CHSY3: variants seen among roughly 807,000 people sequenced by gnomAD.
The protein encoded by CHSY3 is N-acetylgalactosaminyl-proteoglycan 3-beta-glucuronosyltransferase 3.
Under a neutral mutation model 67.2 loss-of-function variants are expected in CHSY3, and 35 were observed. The ratio of observed to expected loss-of-function variants is 0.52; its 90% CI spans 0.40 to 0.69. CHSY3 has a LOEUF of 0.69. Ranked by LOEUF, CHSY3 falls within the 30% of genes least tolerant of loss-of-function variation. The probability of loss-of-function intolerance (pLI) is 0.00; values close to 1 mark genes in which losing one functional copy is unlikely to be tolerated. For missense variants in CHSY3, 1,069 were observed against 1,138.5 expected, an observed-to-expected ratio of 0.94 and a Z score of 0.88; for synonymous variants, 474 against 434.7, an observed-to-expected ratio of 1.09 and a Z score of -1.12.
intron 2 of CHSY3, among the ~76,000 whole-genome samples, chr5:129,993,726 G>T (rs887265754): frequency 6.6e-6 from 1 of 151,954 alleles, no homozygotes; most frequent in Non-Finnish European, 1.5e-5. Context: ...AGTTAATATT[G>T]TTATGTGTGA....
intron 2 of CHSY3, among the ~76,000 whole-genome samples, chr5:130,100,902 G>T (rs1420633379): frequency 6.6e-6 from 1 of 152,156 alleles, no homozygotes; most frequent in Non-Finnish European, 1.5e-5. Context: ...AACATAAACT[G>T]TGCAAGAAAT....
At chr5:130,084,650 C>T (rs1347103115) in intron 2 of CHSY3, among the ~76,000 whole-genome samples, 1 of 151,756 alleles carries the variant, frequency 6.6e-6, no homozygotes, top group Non-Finnish European at 1.5e-5. Context: ...TCTTTTGCAG[C>T]ATTTTGTTTC....
intron 2 of CHSY3, among the ~76,000 whole-genome samples, chr5:130,167,050 C>A (rs187520400): frequency 6.6e-6 from 1 of 152,138 alleles, no homozygotes; most frequent in African/African-American, 2.4e-5. Context: ...GAACTCAATT[C>A]CCACTGAAAC....
chr5:129,940,345 A>G (rs1411256190), intron 2 of CHSY3, among the ~76,000 whole-genome samples: 2 of 152,174 alleles, frequency 1.3e-5, no homozygotes, highest in African/African-American at 2.4e-5. Context: ...AACTGAACTC[A>G]TTCTCAGGAT....
At chr5:129,989,635 G>A (rs184847629) in intron 2 of CHSY3, among the ~76,000 whole-genome samples, 1 of 152,050 alleles carries the variant, frequency 6.6e-6, no homozygotes, top group African/African-American at 2.4e-5. Context: ...TGCTAAATTA[G>A]CTTGACAAGT....
At chr5:129,914,483 A>G (rs1760674320) in intron 2 of CHSY3, among the ~76,000 whole-genome samples, 1 of 152,230 alleles carries the variant, frequency 6.6e-6, no homozygotes, top group Admixed American at 6.5e-5. Flanking sequence ...GTATATTCAT[A>G]TATATGAAAA....
chr5:130,155,737 A>G lies in CHSY3; in HGVS notation c.1087-28492A>G, dbSNP rs529503561. On this transcript the variant is annotated intron_variant, in intron 2 of 2. Transcript: ENST00000305031. Reference sequence around the variant, plus strand: ...GAGATCCTAAGCTGGACGAGTCGGTAAAGAGTCATATTGAGGAATATTTAG... The same window carrying G: ...GAGATCCTAAGCTGGACGAGTCGGTGAAGAGTCATATTGAGGAATATTTAG... 1.4e-4 allele frequency among the ~76,000 whole-genome samples: 22 copies of G among 152,304 alleles called. No homozygotes were observed. The South Asian group carries it at 3.7e-3, about 26-fold the overall frequency.
chr5:130,042,216 G>T (rs1406328530), intron 2 of CHSY3, among the ~76,000 whole-genome samples: 1 of 152,102 alleles, frequency 6.6e-6, no homozygotes, highest in Non-Finnish European at 1.5e-5. Context: ...AGCCTTGGGG[G>T]CAGAGTGAGA....
chr5:130,142,873 T>C (rs575382125), intron 2 of CHSY3, among the ~76,000 whole-genome samples: 1 of 152,102 alleles, frequency 6.6e-6, no homozygotes, highest in African/African-American at 2.4e-5. Context: ...ATCTTGAAGA[T>C]TTCCCTCAAT....
intron 2 of CHSY3, among the ~76,000 whole-genome samples, chr5:130,020,432 T>A (rs1455980117): frequency 5.6e-3 from 11 of 1,954 alleles, no homozygotes; most frequent in African/African-American, 8.8e-3. Flanking sequence ...AATATATATA[T>A]ATATATATAT....
At chr5:129,968,036 A>T (rs1762517075) in intron 2 of CHSY3, among the ~76,000 whole-genome samples, 1 of 151,822 alleles carries the variant, frequency 6.6e-6, no homozygotes, top group African/African-American at 2.4e-5. Context: ...GTCTTCAAAA[A>T]ATCCACTAAG....
At chr5:130,123,855 A>G (rs921569429) in intron 2 of CHSY3, among the ~76,000 whole-genome samples, 2 of 152,024 alleles carry the variant, frequency 1.3e-5, no homozygotes, top group Admixed American at 1.3e-4. Flanking sequence ...CAGGAGATCA[A>G]GACCATCCTG....
At chr5:130,120,347 T>C (rs1481240820) in intron 2 of CHSY3, among the ~76,000 whole-genome samples, 1 of 152,094 alleles carries the variant, frequency 6.6e-6, no homozygotes, top group Non-Finnish European at 1.5e-5. Flanking sequence ...ATAGCACGAC[T>C]TGGACAGTTC....
At chr5:130,182,251 G>A (rs1001536104) in intron 2 of CHSY3, among the ~76,000 whole-genome samples, 3 of 152,078 alleles carry the variant, frequency 2.0e-5, no homozygotes, top group Admixed American at 1.3e-4. Context: ...GATGAATAAA[G>A]TAGAGAATGT....
intron 2 of CHSY3, among the ~76,000 whole-genome samples, chr5:130,061,555 G>A (rs1284897633): frequency 6.6e-6 from 1 of 151,984 alleles, no homozygotes; most frequent in Non-Finnish European, 1.5e-5. Context: ...GTAGACAAAT[G>A]GGGCTTAATT....
chr5:130,014,531 A>C (rs906685666), intron 2 of CHSY3, among the ~76,000 whole-genome samples: 1 of 152,136 alleles, frequency 6.6e-6, no homozygotes, highest in Non-Finnish European at 1.5e-5. Flanking sequence ...TAACCATCAG[A>C]TCTTGTGAGA....
intron 2 of CHSY3, among the ~76,000 whole-genome samples, chr5:130,114,935 T>C (rs924117471): frequency 1.1e-4 from 16 of 152,172 alleles, no homozygotes; most frequent in Non-Finnish European, 2.2e-4. Flanking sequence ...TGAACAGTCC[T>C]CTCTAAATTT....
At chr5:129,995,006 C>A (rs1357502798) in intron 2 of CHSY3, among the ~76,000 whole-genome samples, 2 of 152,016 alleles carry the variant, frequency 1.3e-5, no homozygotes, top group Admixed American at 1.3e-4. Context: ...ATGTAACTAA[C>A]CTGCACATTG....
chr5:129,986,947 G>T (rs1462516651), intron 2 of CHSY3, among the ~76,000 whole-genome samples: 1 of 152,114 alleles, frequency 6.6e-6, no homozygotes, highest in Non-Finnish European at 1.5e-5. Context: ...CCAGCCACAA[G>T]TTTTCTTATT....
Sources: allele counts gnomAD v4.1 joint callset (sites outside exome capture counted in the v4.1 genomes callset), GRCh38; gene constraint gnomAD v4.1.1; transcripts MANE v1.5; gene names NCBI Gene and HGNC (gene_info 2026-07-23, HGNC 2026-07-21).